Variants in DOCK3 observed in about 807,000 individuals in gnomAD.
DOCK3 encodes the protein dedicator of cytokinesis protein 3.
Under a neutral mutation model 265.6 loss-of-function variants are expected in DOCK3, and 60 were observed. The ratio of observed to expected loss-of-function variants is 0.23; its 90% confidence interval spans 0.18 to 0.28. The LOEUF is 0.28. Ranked by LOEUF, DOCK3 falls within the 10% of genes least tolerant of loss-of-function variation. The pLI is 1.00. For synonymous variants in DOCK3, 881 were observed against 938.0 expected (o/e 0.94, Z 1.11); for missense variants, 1,981 against 2,594.3 (o/e 0.76, Z 5.14).
intron 5 of DOCK3, among the ~76,000 whole-genome samples, chr3:51,039,881 GTCTTTT>G (rs2080412769): frequency 1.2e-5 from 1 of 81,042 alleles, no homozygotes; most frequent in African/African-American, 5.3e-5. Context: ...GTGCTTTGAG[GTCTTTT>G]TTTTTTTTTT....
intron 5 of DOCK3, among the ~76,000 whole-genome samples, chr3:51,005,106 G>T (rs774468351): frequency 5.3e-5 from 8 of 151,760 alleles, no homozygotes; most frequent in South Asian, 2.1e-4. Context: ...ACATTTTAAA[G>T]AAATTATTTT....
intron 9 of DOCK3, among the ~76,000 whole-genome samples, chr3:51,145,147 T>C (rs1178831599): frequency 6.6e-6 from 1 of 152,216 alleles, no homozygotes; most frequent in Non-Finnish European, 1.5e-5. Flanking sequence ...TAGCTTTAGC[T>C]ATAACACATC....
intron 1 of DOCK3, among the ~76,000 whole-genome samples, chr3:50,690,291 C>T (rs1176512731): frequency 6.6e-6 from 1 of 151,942 alleles, no homozygotes; most frequent in African/African-American, 2.4e-5. Flanking sequence ...TGCCACCATG[C>T]CTGGCTGATT....
rs149503894 is a variant in DOCK3 at position 50,858,422 on chromosome 3, T to TATAATAATAATAATA, written c.162+16724_162+16738dup. Among the ~76,000 whole-genome samples the TATAATAATAATAATA allele has an allele frequency of 4.0e-3, 499 of 124,080 alleles. 2 individuals are homozygous for TATAATAATAATAATA. The highest frequency in any genetic ancestry group is 0.013 in the African/African-American group (469 of 37,452). 81.4% of individuals were successfully genotyped at this position (124,080 alleles called of 152,430 possible). A position where few individuals can be genotyped will look rare whatever the true frequency, so the allele number is the denominator to read the frequency against. ...TGCACATGTACCCTGTAACTTAAAA[T>TATAATAATAATAATA]ATAATAATAATAATAATAATAATAA... On this transcript the variant is annotated intron_variant, in intron 3 of 52. Transcript: ENST00000266037.
intron 24 of DOCK3, among the ~76,000 whole-genome samples, chr3:51,271,218 G>A (rs890368432): frequency 1.3e-5 from 2 of 152,160 alleles, no homozygotes; most frequent in East Asian, 3.8e-4. Flanking sequence ...TTATTCCTAG[G>A]AATCCACACA....
intron 9 of DOCK3, among the ~76,000 whole-genome samples, chr3:51,109,225 C>G (rs1460169257): frequency 1.3e-5 from 2 of 152,176 alleles, no homozygotes; most frequent in East Asian, 1.9e-4. Flanking sequence ...AGGAAAATCT[C>G]TCAAAATCAC....
intron 2 of DOCK3, among the ~76,000 whole-genome samples, chr3:50,789,532 G>C (rs1341344671): frequency 6.6e-6 from 1 of 152,064 alleles, no homozygotes; most frequent in Non-Finnish European, 1.5e-5. Flanking sequence ...GTTTACTTGT[G>C]GTCTTTCTGT....
Position 50,877,148 on chromosome 3 carries a change from C to A in DOCK3, c.163-12878C>A, listed in dbSNP as rs1575423407. Reference sequence around the variant, plus strand: ...CCAGGAAAATTACCAGGCATTCCCCCTGGGAAAGCCACCTGGAAAAGAGCC... The same window carrying A: ...CCAGGAAAATTACCAGGCATTCCCCATGGGAAAGCCACCTGGAAAAGAGCC... On this transcript the variant is annotated intron_variant, in intron 3 of 52. Coordinates refer to ENST00000266037, the MANE Select transcript of DOCK3 (RefSeq NM_004947.5). 1.1e-5 allele frequency: 3 copies of A among 282,572 alleles called. No individual in the cohort carries two copies. In the East Asian group the frequency reaches 2.6e-4, roughly 25 times the overall value. 17.5% of individuals were successfully genotyped at this position (282,572 alleles called of 1,614,324 possible).
intron 5 of DOCK3, among the ~76,000 whole-genome samples, chr3:51,055,588 C>T (rs2081167245): frequency 6.6e-6 from 1 of 152,086 alleles, no homozygotes; most frequent in South Asian, 2.1e-4. Flanking sequence ...TTGATCTGTC[C>T]TGTGTAGTAG....
chr3:50,978,213 A>C lies in DOCK3; in HGVS notation c.315+44136A>C, dbSNP rs541360858. On this transcript the variant is annotated intron_variant, in intron 5 of 52. Coordinates refer to ENST00000266037, the MANE Select transcript of DOCK3 (RefSeq NM_004947.5). ...GAACTGCGTTCCTTTGGAGGAGGAGAGGTGCTCTGCTTTTTAGAGTTTCCA... is the reference window on the plus strand; with the variant it reads ...GAACTGCGTTCCTTTGGAGGAGGAGCGGTGCTCTGCTTTTTAGAGTTTCCA... Among the ~76,000 whole-genome samples, 286 of 148,330 alleles carry C rather than the reference A, an allele frequency of 1.9e-3. 2 individuals are homozygous for C. The highest frequency in any genetic ancestry group is 6.6e-3 in the African/African-American group (271 of 40,840).
chr3:51,071,804 C>T (rs73833980), intron 6 of DOCK3, among the ~76,000 whole-genome samples: 6,975 of 152,136 alleles, frequency 0.046, 573 homozygotes, highest in African/African-American at 0.16. Context: ...TTCGAGTAAA[C>T]CATAGGAAAA....
In DOCK3 at chr3:51,381,091, G is replaced by C; in HGVS notation, c.5625G>C (p.Gln1875His). 6.2e-7 allele frequency: 1 copy of C among 1,610,984 alleles called. No homozygotes were observed. Among genetic ancestry groups the C allele is most frequent in the Non-Finnish European group, 8.5e-7 (1 of 1,177,742 alleles). Reference protein sequence around the residue: ...HPIPASPTSPQSGLDGSNSTL... With the variant: ...HPIPASPTSPHSGLDGSNSTL... ...TCCCAGCCTCCCCCACAAGCCCCCAGTCAGGTCTGGACGGCAGCAACTCTA... is the reference window on the plus strand; with the variant it reads ...TCCCAGCCTCCCCCACAAGCCCCCACTCAGGTCTGGACGGCAGCAACTCTA... The change falls in exon 53 of 53, where the codon CAG becomes CAC. Residue 1875 changes from glutamine (Q) to histidine (H), a missense_variant. By Grantham distance (24) the Gln-to-His change is conservative. This residue lies in a region of DOCK3 where 1,357 missense variants were observed against 1,866.8 expected (regional missense o/e 0.73). Transcript: ENST00000266037. The surrounding 1 kb of genome is among the most constrained non-coding windows in gnomAD (Gnocchi z 5.6).
intron 2 of DOCK3, among the ~76,000 whole-genome samples, chr3:50,798,865 TA>T (rs762375158): frequency 2.4e-4 from 36 of 152,236 alleles, no homozygotes; most frequent in Non-Finnish European, 4.1e-4. Flanking sequence ...GTTTTACATT[TA>T]GGTTTTTGAT....
chr3:51,284,921 G>A lies in DOCK3; in HGVS notation c.2922+4717G>A, dbSNP rs78760234. 4.0e-3 allele frequency among the ~76,000 whole-genome samples: 615 copies of A among 152,256 alleles called. 13 individuals are homozygous for A. The East Asian group carries it at 0.077, about 19-fold the overall frequency. Reference sequence around the variant, plus strand: ...GAAAGCCAAGAGGTAGACATACAACGTTTGCAACAGATCCTCTTCCCCAGC... The same window carrying A: ...GAAAGCCAAGAGGTAGACATACAACATTTGCAACAGATCCTCTTCCCCAGC... On this transcript the variant is annotated intron_variant, in intron 27 of 52. Transcript: ENST00000266037.
At chr3:51,370,188 A>G (rs370241363) in intron 49 of DOCK3, among the ~76,000 whole-genome samples, 1 of 152,228 alleles carries the variant, frequency 6.6e-6, no homozygotes, top group Admixed American at 6.5e-5. Flanking sequence ...GCCACAGTCA[A>G]GGTTGGCATT....
At chr3:51,328,535 C>G (rs980538670) in intron 32 of DOCK3, among the ~76,000 whole-genome samples, 4 of 151,106 alleles carry the variant, frequency 2.6e-5, no homozygotes, top group African/African-American at 9.7e-5. Flanking sequence ...CTCAGACTTT[C>G]TGTTTCTTCT....
At chr3:50,782,759 A>G (rs956223864) in intron 2 of DOCK3, among the ~76,000 whole-genome samples, 1 of 151,916 alleles carries the variant, frequency 6.6e-6, no homozygotes, top group African/African-American at 2.4e-5. Flanking sequence ...ACTGTACCCA[A>G]TGTGTAGCCT....
intron 1 of DOCK3, among the ~76,000 whole-genome samples, chr3:50,716,240 G>A (rs1294237090): frequency 6.6e-6 from 1 of 151,832 alleles, no homozygotes; most frequent in Non-Finnish European, 1.5e-5. Flanking sequence ...ATTTTTGGGT[G>A]TAGTTGGCCA....
intron 2 of DOCK3, among the ~76,000 whole-genome samples, chr3:50,784,366 T>C (rs2125365): frequency 0.02 from 3,048 of 152,350 alleles, 51 homozygotes; most frequent in Non-Finnish European, 0.03. Context: ...TCCATTTGTC[T>C]ATGTGCCTAT....
Sources: allele counts gnomAD v4.1 joint callset (sites outside exome capture counted in the v4.1 genomes callset), GRCh38; gene constraint gnomAD v4.1.1; regional missense constraint gnomAD v4.1.1; non-coding constraint Gnocchi (gnomAD v3.1); transcripts MANE v1.5; gene names NCBI Gene and HGNC (gene_info 2026-07-23, HGNC 2026-07-21).